Variants in ADAM12 observed in about 807,000 individuals in gnomAD.
ADAM12 encodes the protein disintegrin and metalloproteinase domain-containing protein 12.
ADAM12 carries 70 observed loss-of-function variants against 106.4 expected under a neutral mutation model. The ratio of observed to expected loss-of-function variants is 0.66; its 90% CI spans 0.54 to 0.80. ADAM12 has a LOEUF of 0.80. Ranked by LOEUF, ADAM12 falls within the 30% of genes least tolerant of loss-of-function variation. ADAM12 has a pLI of 0.00. For synonymous variants in ADAM12, 420 were observed against 433.5 expected, an observed-to-expected ratio of 0.97 and a Z score of 0.39; for missense variants, 1,010 against 1,171.9, an observed-to-expected ratio of 0.86 and a Z score of 2.02.
intron 2 of ADAM12, among the ~76,000 whole-genome samples, chr10:126,312,049 G>T (rs564930544): frequency 6.6e-6 from 1 of 150,386 alleles, no homozygotes; most frequent in East Asian, 2.0e-4. Context: ...TGTGGGGTCG[G>T]TGCTAACTCC....
At chr10:126,216,111 A>T (rs987006322) in intron 3 of ADAM12, among the ~76,000 whole-genome samples, 22 of 152,196 alleles carry the variant, frequency 1.4e-4, no homozygotes, top group African/African-American at 5.1e-4. Flanking sequence ...GCTTCTTTTA[A>T]AACAGTCTGA....
At chr10:126,260,758 C>T (rs1389521426) in intron 3 of ADAM12, among the ~76,000 whole-genome samples, 1 of 152,078 alleles carries the variant, frequency 6.6e-6, no homozygotes, top group African/African-American at 2.4e-5. Context: ...GCAGTGCCAC[C>T]GTAATGACAT....
chr10:126,139,886 C>T (rs1956478607), intron 4 of ADAM12, among the ~76,000 whole-genome samples: 1 of 152,156 alleles, frequency 6.6e-6, no homozygotes, highest in African/African-American at 2.4e-5. Flanking sequence ...GCTTCAGTGT[C>T]CTCTCACTCT....
chr10:126,199,892 A>G lies in ADAM12; in HGVS notation c.261-44587T>C, dbSNP rs145868510. 3.7e-3 allele frequency among the ~76,000 whole-genome samples: 561 copies of G among 152,328 alleles called. 1 individual carries two copies. Among genetic ancestry groups the G allele is most frequent in the Middle Eastern group, 0.01 (3 of 294 alleles). ...ACATAGACAGTGTGCACCTGATCAAAGCAATGCTTTTTGGTCAAATGATTG... is the reference window on the plus strand; with the variant it reads ...ACATAGACAGTGTGCACCTGATCAAGGCAATGCTTTTTGGTCAAATGATTG... On this transcript the variant is annotated intron_variant, in intron 3 of 22. Coordinates refer to ENST00000448723, the MANE Select transcript of ADAM12 (RefSeq NM_001288973.2).
intron 11 of ADAM12, among the ~76,000 whole-genome samples, chr10:126,089,849 C>A (rs944033120): frequency 1.3e-5 from 2 of 152,196 alleles, no homozygotes; most frequent in African/African-American, 4.8e-5. Flanking sequence ...TGGCCTCCCC[C>A]AAACCCCCAC....
At chr10:126,310,512 G>A (rs1961036253) in intron 2 of ADAM12, among the ~76,000 whole-genome samples, 1 of 152,130 alleles carries the variant, frequency 6.6e-6, no homozygotes, top group South Asian at 2.1e-4. Context: ...AAGTGGTAGG[G>A]TAGAACCAGG....
At chr10:126,197,841 GAGA>G (rs1186220988) in intron 3 of ADAM12, among the ~76,000 whole-genome samples, 1 of 152,190 alleles carries the variant, frequency 6.6e-6, no homozygotes, top group African/African-American at 2.4e-5. Context: ...GTTATGAGTG[GAGA>G]AGAAGCAAGA....
chr10:126,277,303 T>G (rs1417959043), intron 3 of ADAM12, among the ~76,000 whole-genome samples: 2 of 152,178 alleles, frequency 1.3e-5, no homozygotes, highest in Non-Finnish European at 2.9e-5. Flanking sequence ...GATTTTTGCT[T>G]CTCTACCTGC....
intron 6 of ADAM12, among the ~76,000 whole-genome samples, chr10:126,110,438 A>T (rs1730860896): frequency 6.6e-6 from 1 of 152,144 alleles, no homozygotes; most frequent in African/African-American, 2.4e-5. Context: ...AGAAAAGGAA[A>T]CTGTCAGACT....
rs140038977 is a variant in ADAM12, at chr10:126,168,556, C to A, written c.261-13251G>T. Among the ~76,000 whole-genome samples the A allele has an allele frequency of 2.5e-3, 388 of 152,274 alleles. 5 individuals carry two copies. Among genetic ancestry groups the A allele is most frequent in the African/African-American group, 8.8e-3 (365 of 41,548 alleles). On this transcript the variant is annotated intron_variant, in intron 3 of 22. Transcript: ENST00000448723. ...CGCTGGCTTCCATTCGTCTCACCTA[C>A]CATTTCTCCGGTCCCAGCCACCATT... is the stretch of plus-strand genomic sequence containing the variant.
At chr10:126,260,412 C>G in intron 3 of ADAM12, among the ~76,000 whole-genome samples, 1 of 152,286 alleles carries the variant, frequency 6.6e-6, no homozygotes, top group East Asian at 1.9e-4. Flanking sequence ...ATATGGGAAC[C>G]CAGAAACCTT....
chr10:126,275,679 C>G (rs1364040000), intron 3 of ADAM12, among the ~76,000 whole-genome samples: 1 of 152,116 alleles, frequency 6.6e-6, no homozygotes, highest in Non-Finnish European at 1.5e-5. Flanking sequence ...ATTTTTTGCT[C>G]TTTAAAAGTC....
chr10:126,040,638 T>G (rs1052356228), intron 18 of ADAM12, among the ~76,000 whole-genome samples: 3 of 152,188 alleles, frequency 2.0e-5, no homozygotes, highest in African/African-American at 7.2e-5. Context: ...AATGTCACTC[T>G]TTTCAGACCC....
At chr10:126,246,638 T>G (rs1047756096) in intron 3 of ADAM12, among the ~76,000 whole-genome samples, 1 of 152,168 alleles carries the variant, frequency 6.6e-6, no homozygotes, top group Non-Finnish European at 1.5e-5. Flanking sequence ...AAAAACCACA[T>G]GATCATTTCA....
At chr10:126,225,823 A>C (rs1303825084) in intron 3 of ADAM12, among the ~76,000 whole-genome samples, 1 of 152,218 alleles carries the variant, frequency 6.6e-6, no homozygotes, top group African/African-American at 2.4e-5. Context: ...GCAACTGGGA[A>C]TTCCTGCAGT....
At chr10:126,230,929 C>T (rs1958297472) in intron 3 of ADAM12, among the ~76,000 whole-genome samples, 1 of 152,096 alleles carries the variant, frequency 6.6e-6, no homozygotes, top group South Asian at 2.1e-4. Flanking sequence ...TAAGCTAGGA[C>T]ATGCATTAAA....
chr10:126,277,859 A>G (rs1347731741), intron 3 of ADAM12, among the ~76,000 whole-genome samples: 1 of 152,220 alleles, frequency 6.6e-6, no homozygotes, highest in Non-Finnish European at 1.5e-5. Flanking sequence ...ACATTTTTAT[A>G]TATTGCAGCA....
chr10:126,239,003 G>C lies in ADAM12; in HGVS notation c.260+39912C>G, dbSNP rs531301898. Among the ~76,000 whole-genome samples, 5 of 152,190 alleles carry C rather than the reference G, an allele frequency of 3.3e-5. No homozygotes were observed. The South Asian group carries it at 1.0e-3, about 31-fold the overall frequency. The stretch of plus-strand genomic sequence containing the variant: ...AGGTTTCAGGGACTAAAATAGTTAG[G>C]CCTCAGGTTCTATGAGTTTGATCAC... On this transcript the variant is annotated intron_variant, in intron 3 of 22. Coordinates refer to ENST00000448723, the MANE Select transcript of ADAM12 (RefSeq NM_001288973.2).
At chr10:126,219,364 C>T (rs773593783) in intron 3 of ADAM12, among the ~76,000 whole-genome samples, 2 of 152,156 alleles carry the variant, frequency 1.3e-5, no homozygotes, top group Non-Finnish European at 2.9e-5. Context: ...TCACCTCAGG[C>T]CCCCATGCCT....
Sources: gnomAD v4.1 joint callset for allele counts (sites outside exome capture counted in the v4.1 genomes callset) on GRCh38, gnomAD v4.1.1 for gene constraint, MANE v1.5 for transcripts, NCBI Gene and HGNC (gene_info 2026-07-23, HGNC 2026-07-21) for gene names.